The following THRAP3 variants were observed in gnomAD, a reference collection of about 807,000 sequenced individuals.
The protein encoded by THRAP3 is thyroid hormone receptor-associated protein 3.
THRAP3 carries 16 observed loss-of-function variants against 101.0 expected under a neutral mutation model. The ratio of observed to expected loss-of-function variants is 0.16; its 90% CI spans 0.11 to 0.24. The LOEUF (loss-of-function observed/expected upper bound fraction) is 0.24. Ranked by LOEUF, THRAP3 falls within the 10% of genes least tolerant of loss-of-function variation. The pLI is 1.00. For synonymous variants in THRAP3, 407 were observed against 422.6 expected, an observed-to-expected ratio of 0.96 and a Z score of 0.45; for missense variants, 989 against 1,202.7, an observed-to-expected ratio of 0.82 and a Z score of 2.63.
In THRAP3 at chr1:36,291,108, CT is replaced by C. The variant is rs1279982908; in HGVS notation, c.1746-263del. 1.5e-4 allele frequency among the ~76,000 whole-genome samples: 23 copies of C among 152,276 alleles called. No individual in the cohort carries two copies. The South Asian group carries it at 4.6e-3, about 30-fold the overall frequency. On this transcript the variant is annotated intron_variant, in intron 5 of 11. Transcript: ENST00000354618. ...CAGCTGTAGTTTATCTTTTAAAATA[CT>C]TTCTCATTTGTTGGGTGTGTTAAAA...
intron 3 of THRAP3, among the ~76,000 whole-genome samples, chr1:36,285,021 T>G (rs1378908040): frequency 6.6e-6 from 1 of 152,136 alleles, no homozygotes; most frequent in East Asian, 1.9e-4. Context: ...TAAAAAAATC[T>G]GAGTACAGTG....
chr1:36,267,567 G>A (rs1301972060), intron 2 of THRAP3, among the ~76,000 whole-genome samples: 1 of 152,190 alleles, frequency 6.6e-6, no homozygotes, highest in Non-Finnish European at 1.5e-5. Flanking sequence ...AGTGTAGTGA[G>A]ATCAGTTCCA....
chr1:36,267,527 G>A (rs1270175920), intron 2 of THRAP3, among the ~76,000 whole-genome samples: 2 of 152,208 alleles, frequency 1.3e-5, no homozygotes, highest in Admixed American at 1.3e-4. Flanking sequence ...TTGTTTGGCA[G>A]CGGTTATGTT....
chr1:36,270,577 G>GTTTTTTTTTTTTTTTTTTTT (rs869142351), intron 2 of THRAP3, among the ~76,000 whole-genome samples: 1 of 34,634 alleles, frequency 2.9e-5, no homozygotes, highest in African/African-American at 5.9e-5. Flanking sequence ...TTAGGTTTTT[G>GTTTTTTTTTTTTTTTTTTTT]TTTTTTTTTT....
At chr1:36,229,733 A>G (rs1645004890) in intron 1 of THRAP3, among the ~76,000 whole-genome samples, 1 of 150,634 alleles carries the variant, frequency 6.6e-6, no homozygotes, top group Admixed American at 6.6e-5. Context: ...GCTCACCGCA[A>G]CCTCTGCCTC....
intron 2 of THRAP3, among the ~76,000 whole-genome samples, chr1:36,270,396 C>T (rs991360854): frequency 6.6e-6 from 1 of 151,800 alleles, no homozygotes; most frequent in African/African-American, 2.4e-5. Flanking sequence ...CCCTGACACA[C>T]ACACACACGC....
chr1:36,261,299 A>G (rs983869910), intron 2 of THRAP3, among the ~76,000 whole-genome samples: 1 of 151,954 alleles, frequency 6.6e-6, no homozygotes, highest in Non-Finnish European at 1.5e-5. Flanking sequence ...TTGGGAGGCC[A>G]AGGCGGGCAG....
intron 3 of THRAP3, among the ~76,000 whole-genome samples, chr1:36,283,605 C>T (rs1209057117): frequency 6.6e-6 from 1 of 151,350 alleles, no homozygotes; most frequent in South Asian, 2.1e-4. Context: ...ATGTTTGACA[C>T]TTGGAACCCC....
chr1:36,215,784 T>A, the THRAP3 span, among the ~76,000 whole-genome samples: 4 of 151,918 alleles, frequency 2.6e-5, no homozygotes, highest in African/African-American at 9.7e-5. Flanking sequence ...AGTTTTGCTC[T>A]TGTTGACCAG....
chr1:36,224,485 CGATCTCTGT>C lies in THRAP3; in HGVS notation c.-153_-145del, dbSNP rs1644935732. On this transcript the variant is annotated 5_prime_UTR_variant, in exon 1 of 12. Coordinates refer to ENST00000354618, the MANE Select transcript of THRAP3 (RefSeq NM_005119.4). ...GTTGTTCCGTTGCGAGCTGCAGCTG[CGATCTCTGT>C]GGTAGGCCCAGGTGAGTGAGCGCCT... 6.5e-6 allele frequency: 1 copy of C among 152,672 alleles called. No individual in the cohort carries two copies. The highest frequency in any genetic ancestry group is 1.5e-5 in the Non-Finnish European group (1 of 68,252). 9.5% of individuals were successfully genotyped at this position (152,672 alleles called of 1,614,324 possible). A position where few individuals can be genotyped will look rare whatever the true frequency, so the allele number is the denominator to read the frequency against.
In THRAP3 at chr1:36,300,916, ATCC is replaced by A. The variant is rs1321021464; in HGVS notation, c.2343_2345del (p.Ser784del). The stretch of plus-strand genomic sequence containing the variant: ...ATCGGAGAGCAAGAGACAGGTCCAG[ATCC>A]TCCTCCTCTTCCTCCCAGTCATCTC... On this transcript the variant is annotated inframe_deletion, in exon 10 of 12. Transcript: ENST00000354618. The A allele has an allele frequency of 1.9e-6, 3 of 1,613,720 alleles. No individual in the cohort carries two copies. Among genetic ancestry groups the A allele is most frequent in the Non-Finnish European group, 2.5e-6 (3 of 1,179,934 alleles).
chr1:36,252,197 C>T lies in THRAP3; in HGVS notation c.-134-7185C>T, dbSNP rs534293876. Among the ~76,000 whole-genome samples, 6 of 152,286 alleles carry T rather than the reference C, an allele frequency of 3.9e-5. No homozygotes were observed. In the East Asian group the frequency reaches 1.2e-3, roughly 29 times the overall value. On this transcript the variant is annotated intron_variant, in intron 1 of 11. Coordinates refer to ENST00000354618, the MANE Select transcript of THRAP3 (RefSeq NM_005119.4). ...CTGGAGTGCAGTGGCGCTATCTTGG[C>T]TCACTGCAACCTCCGCTTCCCGGGT...
chr1:36,213,969 G>A, the THRAP3 span, among the ~76,000 whole-genome samples: 7 of 65,752 alleles, frequency 1.1e-4, no homozygotes, highest in East Asian at 6.9e-4. Flanking sequence ...GAAGGAAAGA[G>A]AAAGAAAGAA....
chr1:36,282,235 CTT>C (rs34587417), intron 2 of THRAP3, among the ~76,000 whole-genome samples: 22 of 137,294 alleles, frequency 1.6e-4, no homozygotes, highest in East Asian at 6.2e-4. Flanking sequence ...CACTTTCTCT[CTT>C]TTTTTTTTTT....
intron 1 of THRAP3, chr1:36,225,511 GAT>G (rs1248509315): frequency 6.6e-6 from 1 of 151,934 alleles, no homozygotes; most frequent in Non-Finnish European, 1.5e-5. Flanking sequence ...GACTAAATGA[GAT>G]AAAATAAAAA....
chr1:36,270,531 TG>T (rs1344559588), intron 2 of THRAP3, among the ~76,000 whole-genome samples: 1 of 151,456 alleles, frequency 6.6e-6, no homozygotes, highest in African/African-American at 2.4e-5. Context: ...AAAATGGACA[TG>T]GACTCTAAAT....
chr1:36,304,185 C>A lies in THRAP3; in HGVS notation c.*168C>A. 9.1e-7 allele frequency: 1 copy of A among 1,095,242 alleles called. No homozygotes were observed. The highest frequency in any genetic ancestry group is 1.2e-6 in the Non-Finnish European group (1 of 804,408). The allele number at this position is 1,095,242 out of a possible 1,614,324, so 67.8% of individuals were successfully genotyped here. ...GAGGCATCCCTGGCGCTGTCTCCCA[C>A]TGGACAGAGGAGGCTGGCCATGGGG... On this transcript the variant is annotated 3_prime_UTR_variant, in exon 12 of 12. Coordinates refer to ENST00000354618, the MANE Select transcript of THRAP3 (RefSeq NM_005119.4).
intron 1 of THRAP3, among the ~76,000 whole-genome samples, chr1:36,256,595 G>A (rs1193614065): frequency 1.3e-5 from 2 of 152,092 alleles, no homozygotes; most frequent in Non-Finnish European, 2.9e-5. Context: ...TGTTCTCCAC[G>A]CAGCAGCGAG....
Position 36,231,020 on chromosome 1 carries a change from A to G in THRAP3, c.-135+6515A>G, listed in dbSNP as rs189460311. ...GTAGCCCTGACCTGGACAGAGTGTT[A>G]GTTGGTATTTACTATTTTATACCTT... is the stretch of plus-strand genomic sequence containing the variant. On this transcript the variant is annotated intron_variant, in intron 1 of 11. Transcript: ENST00000354618. Among the ~76,000 whole-genome samples, 10 of 152,340 alleles carry G rather than the reference A, an allele frequency of 6.6e-5. No homozygotes were observed. The East Asian group carries it at 1.7e-3, about 26-fold the overall frequency.
Sources: allele counts gnomAD v4.1 joint callset (sites outside exome capture counted in the v4.1 genomes callset), GRCh38; gene constraint gnomAD v4.1.1; transcripts MANE v1.5; gene names NCBI Gene and HGNC (gene_info 2026-07-23, HGNC 2026-07-21).